TRMT9B: variants seen among roughly 807,000 people sequenced by gnomAD.
TRMT9B encodes probable tRNA methyltransferase 9B.
TRMT9B carries 16 observed loss-of-function variants against 11.5 expected under a neutral mutation model. That is an observed-to-expected ratio of 1.39 (90% confidence interval 0.94 to 2.11). TRMT9B has a LOEUF of 2.11. Among genes scored for constraint, TRMT9B ranks in the 30% most tolerant of loss-of-function variants. The pLI is 0.00. For synonymous variants in TRMT9B, 274 were observed against 192.4 expected, an observed-to-expected ratio of 1.42 and a Z score of -3.51; for missense variants, 941 against 553.8, an observed-to-expected ratio of 1.70 and a Z score of -7.02.
intron 4 of TRMT9B, 52 bp downstream of exon 4, chr8:13,012,909 G>A (rs369773039): frequency 4.4e-5 from 70 of 1,588,844 alleles, no homozygotes; most frequent in East Asian, 1.6e-4. Flanking sequence ...TAATTGACCC[G>A]GTTTAGTCCG....
chr8:12,956,524 A>G (rs1203323196), intron 1 of TRMT9B, among the ~76,000 whole-genome samples: 2 of 152,246 alleles, frequency 1.3e-5, no homozygotes, highest in African/African-American at 4.8e-5. Flanking sequence ...TTTCATAATC[A>G]AGGTAAAATA....
chr8:12,982,697 T>G (rs1006379026), intron 1 of TRMT9B, among the ~76,000 whole-genome samples: 5 of 152,150 alleles, frequency 3.3e-5, no homozygotes, highest in African/African-American at 1.2e-4. Flanking sequence ...TTTATTTAGT[T>G]TATTTTTTTA....
intron 4 of TRMT9B, 140 bp from the exon 5 acceptor site, chr8:13,020,868 C>A: frequency 1.8e-6 from 1 of 568,598 alleles, no homozygotes; most frequent in Non-Finnish European, 3.0e-6. Flanking sequence ...TTATTTCTGT[C>A]ATCATCGTTG....
In TRMT9B at chr8:13,021,934, G is replaced by A; in HGVS notation, c.1255G>A (p.Glu419Lys). 1 of 1,613,738 alleles carries A rather than the reference G, an allele frequency of 6.2e-7. No individual in the cohort carries two copies. The highest frequency in any genetic ancestry group is 8.5e-7 in the Non-Finnish European group (1 of 1,179,856). ...CTACTACCATGTGTTTCGAGAAGGGGAGCTCTGCAGTCTGCTCAAGGAGAA... is the reference window on the plus strand; with the variant it reads ...CTACTACCATGTGTTTCGAGAAGGGAAGCTCTGCAGTCTGCTCAAGGAGAA... ...MRYYHVFREG[E>K]LCSLLKENVS... is the part of the protein sequence containing the mutation. The change falls in exon 5 of 5, where the codon GAG becomes AAG. Residue 419 changes from glutamate (E) to lysine (K), a missense_variant. Coordinates refer to ENST00000524591, the MANE Select transcript of TRMT9B (RefSeq NM_020844.3).
At chr8:13,014,681 G>C (rs1407208727) in intron 4 of TRMT9B, among the ~76,000 whole-genome samples, 1 of 152,124 alleles carries the variant, frequency 6.6e-6, no homozygotes, top group African/African-American at 2.4e-5. Context: ...AAACCTTTTT[G>C]AATTAAGCAA....
chr8:12,956,802 A>G (rs1404946565), intron 1 of TRMT9B, among the ~76,000 whole-genome samples: 1 of 152,180 alleles, frequency 6.6e-6, no homozygotes, highest in African/African-American at 2.4e-5. Context: ...GCTTGAATTC[A>G]CTTTAATTAC....
chr8:12,986,140 G>T (rs1327832170), intron 1 of TRMT9B, among the ~76,000 whole-genome samples: 2 of 152,098 alleles, frequency 1.3e-5, no homozygotes, highest in African/African-American at 4.8e-5. Context: ...GGGATTACAG[G>T]CATGAGCCAC....
At chr8:13,018,108 A>AC (rs1442755334) in intron 4 of TRMT9B, among the ~76,000 whole-genome samples, 2 of 150,888 alleles carry the variant, frequency 1.3e-5, no homozygotes, top group African/African-American at 4.9e-5. Flanking sequence ...TAAAAAAAAA[A>AC]AAAAAAAACT....
At chr8:12,973,172 C>G (rs533136268) in intron 1 of TRMT9B, among the ~76,000 whole-genome samples, 1 of 152,158 alleles carries the variant, frequency 6.6e-6, no homozygotes, top group Non-Finnish European at 1.5e-5. Context: ...AATTGCATTG[C>G]TTTTTAAGGC....
At chr8:13,009,692 A>G (rs755562789) in intron 3 of TRMT9B, among the ~76,000 whole-genome samples, 2 of 152,170 alleles carry the variant, frequency 1.3e-5, no homozygotes, top group Non-Finnish European at 2.9e-5. Context: ...GTTTTGTTAT[A>G]CTTTTAATAT....
intron 4 of TRMT9B, among the ~76,000 whole-genome samples, chr8:13,013,075 G>A (rs1811958116): frequency 6.6e-6 from 1 of 152,176 alleles, no homozygotes; most frequent in East Asian, 1.9e-4. Flanking sequence ...CCTTCAACTT[G>A]GTATTGCAGT....
intron 1 of TRMT9B, among the ~76,000 whole-genome samples, chr8:12,971,090 C>T (rs773848925): frequency 1.3e-5 from 2 of 152,038 alleles, no homozygotes; most frequent in African/African-American, 2.4e-5. Context: ...ATTTGCATAC[C>T]GTCACCTCAA....
chr8:13,029,184 T>TTTTC lies in TRMT9B; in HGVS notation c.*7143_*7144insCTTT, dbSNP rs143136303. Reference sequence around the variant, plus strand: ...AAATGTATTTCATTGAATAAATAGCTTTTGTTTGTTTGTTTGTTTGTTTCA... The same window carrying TTTTC: ...AAATGTATTTCATTGAATAAATAGCTTTTCTTTGTTTGTTTGTTTGTTTGTTTCA... On this transcript the variant is annotated 3_prime_UTR_variant, in exon 5 of 5. Coordinates refer to ENST00000524591, the MANE Select transcript of TRMT9B (RefSeq NM_020844.3). 7.8e-5 allele frequency: 13 copies of TTTTC among 166,528 alleles called. No individual in the cohort carries two copies. The highest frequency in any genetic ancestry group is 2.9e-4 in the African/African-American group (12 of 41,392). 10.3% of individuals were successfully genotyped at this position (166,528 alleles called of 1,614,324 possible).
rs562528072 is a variant in TRMT9B, at chr8:13,023,241, A to T, written c.*1197A>T. ...CTAGGCATTTCTTCTGAGTTGACGG[A>T]CTCTTTAGGAAAGGAGAATCTAAGT... On this transcript the variant is annotated 3_prime_UTR_variant, in exon 5 of 5. Coordinates refer to ENST00000524591, the MANE Select transcript of TRMT9B (RefSeq NM_020844.3). The T allele has an allele frequency of 4.4e-4, 74 of 167,144 alleles. No individual in the cohort carries two copies. Among genetic ancestry groups the T allele is most frequent in the African/African-American group, 1.8e-3 (74 of 41,536 alleles). The allele number at this position is 167,144 out of a possible 1,614,324, so 10.4% of individuals were successfully genotyped here.
rs116279012 is a variant in TRMT9B, at chr8:13,016,483, A to T, written c.328+3626A>T. Among the ~76,000 whole-genome samples, 704 of 150,762 alleles carry T rather than the reference A, an allele frequency of 4.7e-3. 8 individuals are homozygous for T. Among genetic ancestry groups the T allele is most frequent in the African/African-American group, 0.016 (666 of 41,256 alleles). On this transcript the variant is annotated intron_variant, in intron 4 of 4. Transcript: ENST00000524591. ...TCCCTATATATTTACTTCTCTATTT[A>T]AAGTTCTTATGTTGGCACTTCCTGC...
At chr8:12,973,248 C>A (rs890026311) in intron 1 of TRMT9B, among the ~76,000 whole-genome samples, 3 of 152,114 alleles carry the variant, frequency 2.0e-5, no homozygotes, top group Non-Finnish European at 4.4e-5. Context: ...GGGGAGAAGA[C>A]GTATTTAGGA....
At chr8:12,977,106 A>G (rs1408617868) in intron 1 of TRMT9B, among the ~76,000 whole-genome samples, 1 of 152,076 alleles carries the variant, frequency 6.6e-6, no homozygotes, top group African/African-American at 2.4e-5. Flanking sequence ...TTAAATGTCT[A>G]CTCTATTGAA....
In TRMT9B at chr8:13,021,612, G is replaced by A. The variant is rs752930384; in HGVS notation, c.933G>A (p.Val311=). Reference sequence around the variant, plus strand: ...AAGGGCAAAGTTTAGATGAGGAAGTGTTTGTGGAATCTTCTTCTGGAAAAC... The same window carrying A: ...AAGGGCAAAGTTTAGATGAGGAAGTATTTGTGGAATCTTCTTCTGGAAAAC... The part of the protein sequence containing the change: ...STKGQSLDEE[V]FVESSSGKHL... Residue 311 remains valine (V), a synonymous_variant, in exon 5 of 5, where the codon GTG becomes GTA. Coordinates refer to ENST00000524591, the MANE Select transcript of TRMT9B (RefSeq NM_020844.3). 2 of 1,613,926 alleles carry A rather than the reference G, an allele frequency of 1.2e-6. No homozygotes were observed. Among genetic ancestry groups the A allele is most frequent in the Admixed American group, 1.7e-5 (1 of 60,012 alleles).
At chr8:12,986,231 C>A (rs1187436793) in intron 1 of TRMT9B, among the ~76,000 whole-genome samples, 2 of 152,192 alleles carry the variant, frequency 1.3e-5, no homozygotes, top group African/African-American at 4.8e-5. Flanking sequence ...TCAGTTACCA[C>A]AGAGACAATA....
Sources: allele counts gnomAD v4.1 joint callset (sites outside exome capture counted in the v4.1 genomes callset), GRCh38; gene constraint gnomAD v4.1.1; transcripts MANE v1.5; gene names NCBI Gene and HGNC (gene_info 2026-07-23, HGNC 2026-07-21).